Variants in DYSF observed in about 807,000 individuals in gnomAD.
DYSF encodes dystrophy-associated fer-1-like 1.
A neutral mutation model predicts 274.9 loss-of-function variants in DYSF; 212 were observed. That is an observed-to-expected ratio of 0.77 (90% CI 0.69 to 0.86). The LOEUF (loss-of-function observed/expected upper bound fraction) is 0.86. DYSF is among the 40% of genes least tolerant of loss of function. The probability of loss-of-function intolerance (pLI) is 0.00; values close to 1 mark genes in which losing one functional copy is unlikely to be tolerated. For synonymous variants in DYSF, 1,091 were observed against 1,078.7 expected, an observed-to-expected ratio of 1.01 and a Z score of -0.22; for missense variants, 2,666 against 2,783.2, an observed-to-expected ratio of 0.96 and a Z score of 0.95.
chr2:71,686,352 C>T, intron 55 of DYSF, 102 bp from the exon 56 acceptor site: 1 of 1,458,542 alleles, frequency 6.9e-7, no homozygotes, highest in Non-Finnish European at 9.6e-7. Context: ...TGCCTGTTGG[C>T]AGCTTAGCCC....
chr2:71,640,120 G>T (rs2094464839), intron 41 of DYSF, among the ~76,000 whole-genome samples: 1 of 152,212 alleles, frequency 6.6e-6, no homozygotes, highest in Non-Finnish European at 1.5e-5. Flanking sequence ...TGGCAGTCTA[G>T]CTTCTGGGTC....
At position 71,556,076 on chromosome 2, in the gene DYSF, G is replaced by C. The variant is rs186637704; in HGVS notation, c.2216+5G>C. On this transcript the variant is annotated splice_donor_5th_base_variant and intron_variant, in intron 22 of 55. Transcript: ENST00000410020. ...TGAGCTCATCGCAGGCTGCAGGTAG[G>C]GGGGACCTGGCGCCCCTGGTGCCCA... 1.1e-5 allele frequency: 17 copies of C among 1,561,020 alleles called. No homozygotes were observed. Among genetic ancestry groups the C allele is most frequent in the Admixed American group, 1.9e-5 (1 of 51,724 alleles).
intron 17 of DYSF, among the ~76,000 whole-genome samples, chr2:71,539,924 G>C (rs879637033): frequency 2.6e-5 from 4 of 152,122 alleles, no homozygotes; most frequent in Non-Finnish European, 5.9e-5. Context: ...TCCATTATGT[G>C]AATGTATCAT....
intron 36 of DYSF, among the ~76,000 whole-genome samples, chr2:71,606,350 A>G (rs1368159673): frequency 2.0e-5 from 3 of 152,120 alleles, no homozygotes; most frequent in Non-Finnish European, 4.4e-5. Flanking sequence ...AGGGAGCAAG[A>G]CGGGAGCTGG....
At chr2:71,618,269 GTGT>G (rs2093968883) in intron 40 of DYSF, among the ~76,000 whole-genome samples, 1 of 22,646 alleles carries the variant, frequency 4.4e-5, no homozygotes, top group Non-Finnish European at 8.9e-5. Flanking sequence ...TGGTAGAGGT[GTGT>G]GTGTGTGGTA....
In DYSF at chr2:71,503,274, C is replaced by T; in HGVS notation, c.300C>T (p.Ala100=). Residue 100 remains alanine (A), a synonymous_variant, in exon 4 of 56, where the codon GCC becomes GCT. Transcript: ENST00000410020. ...TCCTCGCCACCCCTAGTCTGTCCGC[C>T]AGCTTCAATGCCCCCCTGCTGGACA... The part of the protein sequence containing the change: ...REVLATPSLS[A]SFNAPLLDTK... The T allele has an allele frequency of 6.2e-7, 1 of 1,614,152 alleles. No homozygotes were observed. Among genetic ancestry groups the T allele is most frequent in the Non-Finnish European group, 8.5e-7 (1 of 1,180,004 alleles).
chr2:71,648,628 A>G (rs1005580208), intron 42 of DYSF, among the ~76,000 whole-genome samples: 1 of 152,218 alleles, frequency 6.6e-6, no homozygotes, highest in Non-Finnish European at 1.5e-5. Flanking sequence ...GAAAAAGTTC[A>G]TGGTGTGTCA....
At chr2:71,482,491 C>T (rs2083001165) in intron 3 of DYSF, among the ~76,000 whole-genome samples, 1 of 151,988 alleles carries the variant, frequency 6.6e-6, no homozygotes, top group African/African-American at 2.4e-5. Flanking sequence ...CTGGGCGCTT[C>T]CCTGTGTTGG....
chr2:71,513,651 C>A, intron 6 of DYSF, 65 bp from the exon 7 acceptor site: 1 of 1,568,784 alleles, frequency 6.4e-7, no homozygotes, highest in South Asian at 1.1e-5. Context: ...TGGGCTGGGT[C>A]CCAGGGGCAG....
At chr2:71,584,047 C>T (rs1024922631) in intron 30 of DYSF, among the ~76,000 whole-genome samples, 3 of 152,188 alleles carry the variant, frequency 2.0e-5, no homozygotes, top group African/African-American at 7.2e-5. Context: ...AGATGGAGTG[C>T]GTGGCCACAG....
At chr2:71,491,115 G>T (rs1241834985) in intron 3 of DYSF, among the ~76,000 whole-genome samples, 1 of 152,148 alleles carries the variant, frequency 6.6e-6, no homozygotes, top group Non-Finnish European at 1.5e-5. Flanking sequence ...TAGTAGAACG[G>T]ACCAAAAAAA....
intron 1 of DYSF, among the ~76,000 whole-genome samples, chr2:71,456,925 G>A (rs1200907632): frequency 6.6e-6 from 1 of 152,160 alleles, no homozygotes; most frequent in Non-Finnish European, 1.5e-5. Flanking sequence ...TGGTGCCTGG[G>A]GTCCCCAGCA....
intron 17 of DYSF, 109 bp from the exon 18 acceptor site, chr2:71,550,932 G>GT (rs1478386127): frequency 8.0e-6 from 7 of 872,784 alleles, no homozygotes; most frequent in Admixed American, 5.4e-5. Flanking sequence ...TCTGGTGCAT[G>GT]TGGGGGGGAA....
chr2:71,562,619 G>T (rs1368895158), intron 23 of DYSF, among the ~76,000 whole-genome samples: 1 of 152,214 alleles, frequency 6.6e-6, no homozygotes, highest in Admixed American at 6.5e-5. Context: ...CACAGCTGCT[G>T]CCTGCTCTGA....
chr2:71,516,898 C>A, intron 9 of DYSF, 91 bp from the exon 10 acceptor site: 2 of 1,141,136 alleles, frequency 1.8e-6, no homozygotes, highest in Non-Finnish European at 2.7e-6. Flanking sequence ...GAAGTGTTGG[C>A]AGTTATTGTT....
intron 42 of DYSF, among the ~76,000 whole-genome samples, chr2:71,653,817 ATAAAAT>A (rs1212781319): frequency 6.6e-6 from 1 of 151,902 alleles, no homozygotes; most frequent in African/African-American, 2.4e-5. Flanking sequence ...TAATAAAAAA[ATAAAAT>A]TAAAAAATAA....
intron 33 of DYSF, among the ~76,000 whole-genome samples, chr2:71,600,464 G>C (rs1343964029): frequency 1.3e-5 from 2 of 152,210 alleles, no homozygotes; most frequent in African/African-American, 4.8e-5. Context: ...ACTGTCCAGA[G>C]GGACTTCCCG....
chr2:71,675,506 C>A (rs901214542), intron 52 of DYSF, among the ~76,000 whole-genome samples: 1 of 152,150 alleles, frequency 6.6e-6, no homozygotes, highest in Non-Finnish European at 1.5e-5. Flanking sequence ...TATTCTGAGG[C>A]GCGGCTTCCG....
chr2:71,568,485 G>T, intron 26 of DYSF, 147 bp downstream of exon 26: 1 of 1,097,730 alleles, frequency 9.1e-7, no homozygotes, highest in Non-Finnish European at 1.3e-6. Context: ...ACTCTCCCAG[G>T]ACTGAGGCTT....
Sources: allele counts gnomAD v4.1 joint callset (sites outside exome capture counted in the v4.1 genomes callset), GRCh38; gene constraint gnomAD v4.1.1; transcripts MANE v1.5; gene names NCBI Gene and HGNC (gene_info 2026-07-23, HGNC 2026-07-21).